The following TP53BP2 variants were observed in gnomAD, a reference collection of about 807,000 sequenced individuals.
The protein encoded by TP53BP2 is tumor protein p53 binding protein 2, also known as apoptosis-stimulating of p53 protein 2.
In TP53BP2, 62 loss-of-function variants were observed where a neutral mutation model predicts 126.2. That is an observed-to-expected ratio of 0.49 (90% CI 0.40 to 0.61). The LOEUF is 0.61. TP53BP2 is among the 20% of genes least tolerant of loss of function. TP53BP2 has a pLI of 0.00. For synonymous variants in TP53BP2, 485 were observed against 502.9 expected, an observed-to-expected ratio of 0.96 and a Z score of 0.48; for missense variants, 1,215 against 1,402.8, an observed-to-expected ratio of 0.87 and a Z score of 2.14.
chr1:223,834,452 T>C lies in TP53BP2; in HGVS notation c.27+11202A>G, dbSNP rs573884131. On this transcript the variant is annotated intron_variant, in intron 1 of 17. Transcript: ENST00000343537. ...AAATAATGTAGAGTATTAATTTCACTAGCAGATAACAACAGTGTGTATTAA... is the reference window on the plus strand; with the variant it reads ...AAATAATGTAGAGTATTAATTTCACCAGCAGATAACAACAGTGTGTATTAA... Among the ~76,000 whole-genome samples the C allele has an allele frequency of 9.2e-5, 14 of 152,288 alleles. No homozygotes were observed. In the South Asian group the frequency reaches 2.7e-3, roughly 29 times the overall value.
intron 2 of TP53BP2, among the ~76,000 whole-genome samples, chr1:223,816,152 G>A (rs896723683): frequency 1.3e-5 from 2 of 152,126 alleles, no homozygotes; most frequent in African/African-American, 4.8e-5. Flanking sequence ...CTATCACATT[G>A]TATTATAAAT....
intron 3 of TP53BP2, among the ~76,000 whole-genome samples, chr1:223,812,007 T>C (rs1011803825): frequency 6.8e-6 from 1 of 147,704 alleles, no homozygotes; most frequent in Non-Finnish European, 1.5e-5. Flanking sequence ...ATTAGATGAG[T>C]GCATGTGATG....
chr1:223,840,028 A>C (rs961354723), intron 1 of TP53BP2, among the ~76,000 whole-genome samples: 5 of 152,252 alleles, frequency 3.3e-5, no homozygotes, highest in African/African-American at 1.2e-4. Flanking sequence ...ATCCAAATAA[A>C]TAATTTGTTT....
At position 223,796,735 on chromosome 1, in the gene TP53BP2, A is replaced by T. The variant is rs1432429229; in HGVS notation, c.1949-145T>A. On this transcript the variant is annotated intron_variant, in intron 12 of 17. Transcript: ENST00000343537. The surrounding 1 kb of genome is among the most constrained non-coding windows in gnomAD (Gnocchi z 4.2). ...TCCCCTTCAAATATAATTAATTTTT[A>T]AAAATAAATGACAAAGCAGGGAATC... The T allele has an allele frequency of 1.3e-6, 1 of 757,060 alleles. No individual in the cohort carries two copies. The allele number at this position is 757,060 out of a possible 1,614,324, so 46.9% of individuals were successfully genotyped here.
At chr1:223,804,984 A>G (rs1571853421) in intron 5 of TP53BP2, among the ~76,000 whole-genome samples, 1 of 152,228 alleles carries the variant, frequency 6.6e-6, no homozygotes, top group South Asian at 2.1e-4. Context: ...GAAAGCTGCA[A>G]TCATGGAATC....
chr1:223,841,035 G>C (rs1404226965), intron 1 of TP53BP2, among the ~76,000 whole-genome samples: 2 of 152,104 alleles, frequency 1.3e-5, no homozygotes, highest in African/African-American at 4.8e-5. Flanking sequence ...AGTGGATCAC[G>C]GGGTCAGGAG....
In TP53BP2 at chr1:223,832,945, T is replaced by C. The variant is rs541914919; in HGVS notation, c.28-11578A>G. On this transcript the variant is annotated intron_variant, in intron 1 of 17. Coordinates refer to ENST00000343537, the MANE Select transcript of TP53BP2 (RefSeq NM_001031685.3). Reference sequence around the variant, plus strand: ...AGTAGGCAACCCACAGGGGTCTCTGTGGAACCTTCCTCAGGAGCCACAGGG... The same window carrying C: ...AGTAGGCAACCCACAGGGGTCTCTGCGGAACCTTCCTCAGGAGCCACAGGG... 2.4e-3 allele frequency among the ~76,000 whole-genome samples: 366 copies of C among 152,294 alleles called. 4 individuals are homozygous for C. Among genetic ancestry groups the C allele is most frequent in the African/African-American group, 8.5e-3 (355 of 41,562 alleles).
At position 223,780,096 on chromosome 1, in the gene TP53BP2, A is replaced by G. The variant is rs1661718474; in HGVS notation, c.*757T>C. 1.3e-5 allele frequency: 2 copies of G among 152,378 alleles called. No homozygotes were observed. The highest frequency in any genetic ancestry group is 2.9e-5 in the Non-Finnish European group (2 of 68,036). 9.4% of individuals were successfully genotyped at this position (152,378 alleles called of 1,614,324 possible). On this transcript the variant is annotated 3_prime_UTR_variant, in exon 18 of 18. Transcript: ENST00000343537. The stretch of plus-strand genomic sequence containing the variant: ...AAAAACCAGTAAACAGCTAGCATCA[A>G]AAAGTTTATTACAACTGTTTTTAAA...
intron 1 of TP53BP2, among the ~76,000 whole-genome samples, chr1:223,830,621 G>C (rs1225263469): frequency 3.3e-5 from 5 of 151,304 alleles, no homozygotes; most frequent in Non-Finnish European, 7.4e-5. Context: ...TAGTAAGATG[G>C]AAAACTAAAT....
chr1:223,803,327 G>A lies in TP53BP2; in HGVS notation c.775C>T (p.His259Tyr), dbSNP rs778352020. 6 of 1,613,642 alleles carry A rather than the reference G, an allele frequency of 3.7e-6. No homozygotes were observed. The highest frequency in any genetic ancestry group is 5.1e-6 in the Non-Finnish European group (6 of 1,179,862). ...EMLKNGRIDSHHDNQSAVAEL... is the reference protein window; with the variant it reads ...EMLKNGRIDSYHDNQSAVAEL... ...GCCACTGCAGACTGATTGTCATGGT[G>A]GCTGTCGATCCTGCCGTTCTTGAGC... Residue 259 changes from histidine (H) to tyrosine (Y), a missense_variant, in exon 7 of 18, where the codon CAC (histidine) becomes TAC (tyrosine). This residue lies in a region of TP53BP2 where 814 missense variants were observed against 853.0 expected (regional missense o/e 0.95). Coordinates refer to ENST00000343537, the MANE Select transcript of TP53BP2 (RefSeq NM_001031685.3).
intron 1 of TP53BP2, among the ~76,000 whole-genome samples, chr1:223,833,688 C>T (rs376478576): frequency 1.1e-4 from 17 of 152,146 alleles, no homozygotes; most frequent in South Asian, 4.1e-4. Flanking sequence ...GCCAGCCATG[C>T]CAAAGAAGCT....
intron 14 of TP53BP2, among the ~76,000 whole-genome samples, chr1:223,792,816 T>C (rs1404412440): frequency 6.7e-6 from 1 of 149,528 alleles, no homozygotes; most frequent in Non-Finnish European, 1.5e-5. Context: ...TCCCAGCTTC[T>C]CACCACAAAT....
chr1:223,787,438 T>C (rs866630816), intron 16 of TP53BP2, among the ~76,000 whole-genome samples: 1 of 152,010 alleles, frequency 6.6e-6, no homozygotes, highest in South Asian at 2.1e-4. Context: ...AAATATTCTA[T>C]GGTCCAGAGT....
chr1:223,798,231 C>G lies in TP53BP2; in HGVS notation c.1932G>C (p.Gly644=). The G allele has an allele frequency of 6.2e-7, 1 of 1,613,088 alleles. No individual in the cohort carries two copies. Among genetic ancestry groups the G allele is most frequent in the Non-Finnish European group, 8.5e-7 (1 of 1,179,388 alleles). ...GAACCTTACCACTTGAAAAGTGTGG[C>G]CCTCTGGTATGAGTCTTGGTCAACG... is the stretch of plus-strand genomic sequence containing the variant. ...QSALTKTHTR[G]PHFSSVYGKP... The change falls in exon 12 of 18, where the codon GGG becomes GGC. Residue 644 remains glycine (G), a synonymous_variant. Coordinates refer to ENST00000343537, the MANE Select transcript of TP53BP2 (RefSeq NM_001031685.3).
intron 1 of TP53BP2, among the ~76,000 whole-genome samples, chr1:223,838,458 C>T (rs542451835): frequency 4.6e-5 from 7 of 152,354 alleles, no homozygotes; most frequent in East Asian, 1.9e-4. Flanking sequence ...CCCTACTACA[C>T]GGGCAGCCCT....
At chr1:223,791,287 A>G (rs1662147358) in intron 15 of TP53BP2, among the ~76,000 whole-genome samples, 1 of 144,464 alleles carries the variant, frequency 6.9e-6, no homozygotes. Context: ...AAAATAAAAA[A>G]TAATTTTTTT....
At chr1:223,780,930 T>C (rs1661754706) in intron 17 of TP53BP2, 36 bp from the exon 18 acceptor site, 1 of 1,583,462 alleles carries the variant, frequency 6.3e-7, no homozygotes. Flanking sequence ...CATACTATAA[T>C]AGATGTGTGG....
intron 2 of TP53BP2, among the ~76,000 whole-genome samples, chr1:223,815,884 G>A (rs147981131): frequency 1.3e-5 from 2 of 152,304 alleles, no homozygotes; most frequent in East Asian, 3.9e-4. Context: ...TAGCCTAGGA[G>A]CAAAAGGCTG....
At chr1:223,811,660 T>C (rs1047271413) in intron 3 of TP53BP2, among the ~76,000 whole-genome samples, 1 of 152,186 alleles carries the variant, frequency 6.6e-6, no homozygotes, top group East Asian at 1.9e-4. Context: ...TTAAACATAA[T>C]TTCATATACA....
Sources: gnomAD v4.1 joint callset for allele counts (sites outside exome capture counted in the v4.1 genomes callset) on GRCh38, gnomAD v4.1.1 for gene constraint, gnomAD v4.1.1 regional missense constraint, Gnocchi (gnomAD v3.1) non-coding constraint, MANE v1.5 for transcripts, NCBI Gene and HGNC (gene_info 2026-07-23, HGNC 2026-07-21) for gene names.